CDCA7L: variants seen among roughly 807,000 people sequenced by gnomAD.
The protein encoded by CDCA7L is cell division cycle associated 7 like.
CDCA7L carries 44 observed loss-of-function variants against 57.4 expected under a neutral mutation model. The ratio of observed to expected loss-of-function variants is 0.77; its 90% CI spans 0.60 to 0.98. The LOEUF is 0.98. Among genes scored for constraint, CDCA7L ranks in the 50% least tolerant of loss-of-function variants. The pLI is 0.00. For missense variants in CDCA7L, 644 were observed against 580.6 expected, an observed-to-expected ratio of 1.11 and a Z score of -1.12; for synonymous variants, 236 against 202.8, an observed-to-expected ratio of 1.16 and a Z score of -1.39.
chr7:21,924,495 G>A (rs1000223498), intron 1 of CDCA7L, among the ~76,000 whole-genome samples: 1 of 152,184 alleles, frequency 6.6e-6, no homozygotes, highest in Non-Finnish European at 1.5e-5. Flanking sequence ...ACACCACGAA[G>A]GGCGAGAACT....
At chr7:21,912,439 A>G (rs1021724369) in intron 2 of CDCA7L, among the ~76,000 whole-genome samples, 3 of 152,232 alleles carry the variant, frequency 2.0e-5, no homozygotes, top group African/African-American at 7.2e-5. Flanking sequence ...TGCTCATGGA[A>G]TTCAGCTTCT....
At chr7:21,903,143 G>C in intron 8 of CDCA7L, 29 bp from the exon 9 acceptor site, 1 of 1,604,166 alleles carries the variant, frequency 6.2e-7, no homozygotes, top group East Asian at 2.2e-5. Context: ...CAGACACTTC[G>C]CTCATTATCT....
At position 21,901,372 on chromosome 7, in the gene CDCA7L, T is replaced by TTTTCAACGCTATCCTTA. The variant is rs1784833212; in HGVS notation, c.*933_*949dup. 7.5e-7 allele frequency: 1 copy of TTTTCAACGCTATCCTTA among 1,328,028 alleles called. No individual in the cohort carries two copies. Among genetic ancestry groups the TTTTCAACGCTATCCTTA allele is most frequent in the Non-Finnish European group, 9.8e-7 (1 of 1,020,144 alleles). 82.3% of individuals were successfully genotyped at this position (1,328,028 alleles called of 1,614,324 possible). A position where few individuals can be genotyped will look rare whatever the true frequency, so the allele number is the denominator to read the frequency against. ...TTTAGTAACTCACACGTGCATTCTT[T>TTTTCAACGCTATCCTTA]TTTCAACGCTATCCTTAGAGTGAAA... On this transcript the variant is annotated 3_prime_UTR_variant, in exon 10 of 10. Coordinates refer to ENST00000406877, the MANE Select transcript of CDCA7L (RefSeq NM_018719.5).
rs899236501 is a variant in CDCA7L, at chr7:21,902,042, AC to A, written c.*279del. On this transcript the variant is annotated 3_prime_UTR_variant, in exon 10 of 10. Coordinates refer to ENST00000406877, the MANE Select transcript of CDCA7L (RefSeq NM_018719.5). ...ACTTACTTACCTGAACTTTAACCCCACCCCATTTAAACTGTGCTTTTTAATA... is the reference window on the plus strand; with the variant it reads ...ACTTACTTACCTGAACTTTAACCCCACCCATTTAAACTGTGCTTTTTAATA... 9.0e-6 allele frequency: 4 copies of A among 445,662 alleles called. No homozygotes were observed. Among genetic ancestry groups the A allele is most frequent in the Non-Finnish European group, 1.6e-5 (4 of 245,810 alleles). The allele number at this position is 445,662 out of a possible 1,614,324, so 27.6% of individuals were successfully genotyped here. A position where few individuals can be genotyped will look rare whatever the true frequency, so the allele number is the denominator to read the frequency against.
intron 4 of CDCA7L, among the ~76,000 whole-genome samples, chr7:21,907,244 CTTATT>C (rs1360639078): frequency 1.3e-5 from 2 of 152,054 alleles, no homozygotes; most frequent in African/African-American, 2.4e-5. Context: ...AAGAAAATAG[CTTATT>C]TTAAAGATGC....
rs1389319780 is a variant in CDCA7L, at chr7:21,901,434, G to A, written c.*888C>T. ...ATACTAGAAACTAACTCAGGGCTGA[G>A]CGTGGTGGCACACGACTGTAATCCC... On this transcript the variant is annotated 3_prime_UTR_variant, in exon 10 of 10. Coordinates refer to ENST00000406877, the MANE Select transcript of CDCA7L (RefSeq NM_018719.5). 4 of 844,766 alleles carry A rather than the reference G, an allele frequency of 4.7e-6. No individual in the cohort carries two copies. Among genetic ancestry groups the A allele is most frequent in the Non-Finnish European group, 6.5e-6 (4 of 614,888 alleles). 52.3% of individuals were successfully genotyped at this position (844,766 alleles called of 1,614,324 possible).
At chr7:21,923,832 T>C (rs1248403145) in intron 1 of CDCA7L, among the ~76,000 whole-genome samples, 1 of 152,208 alleles carries the variant, frequency 6.6e-6, no homozygotes, top group Non-Finnish European at 1.5e-5. Context: ...TAAGCTATAC[T>C]AATAAAAATA....
intron 1 of CDCA7L, among the ~76,000 whole-genome samples, chr7:21,917,483 C>T (rs1785520969): frequency 6.6e-6 from 1 of 152,168 alleles, no homozygotes; most frequent in Non-Finnish European, 1.5e-5. Flanking sequence ...ACAATGTCAG[C>T]ACACTTAATC....
intron 2 of CDCA7L, among the ~76,000 whole-genome samples, chr7:21,915,834 A>G (rs1386393655): frequency 1.3e-5 from 2 of 151,766 alleles, no homozygotes; most frequent in Non-Finnish European, 2.9e-5. Flanking sequence ...TCTTGGAAAG[A>G]AAGAAAATAA....
At chr7:21,905,242 C>T (rs1051175303) in intron 7 of CDCA7L, among the ~76,000 whole-genome samples, 2 of 151,998 alleles carry the variant, frequency 1.3e-5, no homozygotes, top group African/African-American at 4.8e-5. Flanking sequence ...TTAACAGTTA[C>T]ATATAAAAAT....
intron 4 of CDCA7L, 42 bp downstream of exon 4, chr7:21,908,088 A>G (rs1785196066): frequency 6.7e-7 from 1 of 1,491,412 alleles, no homozygotes; most frequent in Admixed American, 2.5e-5. Flanking sequence ...CTGCTGCCAG[A>G]GCCTGGTGCC....
At chr7:21,910,991 G>T (rs901017770) in intron 3 of CDCA7L, among the ~76,000 whole-genome samples, 2 of 135,630 alleles carry the variant, frequency 1.5e-5, no homozygotes, top group Admixed American at 1.5e-4. Context: ...AGAGGTTTAA[G>T]GAACTCTTGA....
In CDCA7L at chr7:21,901,875, G is replaced by C. The variant is rs776787777; in HGVS notation, c.*447C>G. 5 of 180,738 alleles carry C rather than the reference G, an allele frequency of 2.8e-5. No homozygotes were observed. The highest frequency in any genetic ancestry group is 1.1e-4 in the Admixed American group (2 of 18,350). The allele number at this position is 180,738 out of a possible 1,614,324, so 11.2% of individuals were successfully genotyped here. On this transcript the variant is annotated 3_prime_UTR_variant, in exon 10 of 10. Transcript: ENST00000406877. Reference sequence around the variant, plus strand: ...TTCAGTGTAAATTTCCAATGACCAAGAGCAGGTTAAACGATGTGTGTGGTC... The same window carrying C: ...TTCAGTGTAAATTTCCAATGACCAACAGCAGGTTAAACGATGTGTGTGGTC...
At chr7:21,918,660 C>G (rs944049021) in intron 1 of CDCA7L, among the ~76,000 whole-genome samples, 1 of 152,048 alleles carries the variant, frequency 6.6e-6, no homozygotes. Flanking sequence ...GGAGTTGAAT[C>G]CGGAGGCTTT....
Position 21,911,669 on chromosome 7 carries a change from A to G in CDCA7L, c.251T>C (p.Phe84Ser). 1 of 1,613,896 alleles carries G rather than the reference A, an allele frequency of 6.2e-7. No homozygotes were observed. The highest frequency in any genetic ancestry group is 8.5e-7 in the Non-Finnish European group (1 of 1,179,940). Residue 84 changes from phenylalanine (F) to serine (S), a missense_variant, in exon 3 of 10, where the codon TTT (phenylalanine) becomes TCT (serine). Coordinates refer to ENST00000406877, the MANE Select transcript of CDCA7L (RefSeq NM_018719.5). ...IEDTDSETEDFAGFTQSDLNG... is the reference protein window; with the variant it reads ...IEDTDSETEDSAGFTQSDLNG... ...CAGATCACTCTGCGTAAATCCTGCA[A>G]AATCCTCAGTCTCTGAGTCAGTGTC... is the stretch of plus-strand genomic sequence containing the variant.
intron 1 of CDCA7L, among the ~76,000 whole-genome samples, chr7:21,943,508 T>A (rs1786411235): frequency 6.6e-6 from 1 of 152,238 alleles, no homozygotes; most frequent in African/African-American, 2.4e-5. Context: ...TTCATAAGGC[T>A]GGGGGACAGG....
At chr7:21,902,803 G>A in intron 9 of CDCA7L, 175 bp downstream of exon 9, 2 of 605,328 alleles carry the variant, frequency 3.3e-6, no homozygotes, top group Non-Finnish European at 5.5e-6. Context: ...TTCCCTAATA[G>A]GGAAAATATC....
At chr7:21,935,485 T>C (rs142567871) in intron 1 of CDCA7L, among the ~76,000 whole-genome samples, 1 of 151,648 alleles carries the variant, frequency 6.6e-6, no homozygotes, top group Non-Finnish European at 1.5e-5. Flanking sequence ...AGGAAATGTA[T>C]AGCACACCAA....
At chr7:21,935,184 A>C (rs1193012038) in intron 1 of CDCA7L, among the ~76,000 whole-genome samples, 2 of 152,236 alleles carry the variant, frequency 1.3e-5, no homozygotes, top group African/African-American at 4.8e-5. Context: ...TGACTGAAAT[A>C]ATACTATCCT....
Sources: gnomAD v4.1 joint callset for allele counts (sites outside exome capture counted in the v4.1 genomes callset) on GRCh38, gnomAD v4.1.1 for gene constraint, MANE v1.5 for transcripts, NCBI Gene and HGNC (gene_info 2026-07-23, HGNC 2026-07-21) for gene names.